CCDC73: variants seen among roughly 807,000 people sequenced by gnomAD.
CCDC73 encodes coiled-coil domain containing 73, also known as coiled-coil domain-containing protein 73.
Under a neutral mutation model 116.5 loss-of-function variants are expected in CCDC73, and 95 were observed. The observed-to-expected ratio is 0.82, with a 90% CI of 0.69 to 0.97. The LOEUF (loss-of-function observed/expected upper bound fraction) is 0.97. Ranked by LOEUF, CCDC73 falls within the 50% of genes least tolerant of loss-of-function variation. CCDC73 has a pLI of 0.00. For missense variants in CCDC73, 1,066 were observed against 1,206.8 expected (o/e 0.88, Z 1.73); for synonymous variants, 398 against 401.3 (o/e 0.99, Z 0.10).
At position 32,741,043 on chromosome 11, in the gene CCDC73, AT is replaced by A. The variant is rs1850179041; in HGVS notation, c.135+19065del. 3.3e-5 allele frequency among the ~76,000 whole-genome samples: 5 copies of A among 152,272 alleles called. No individual in the cohort carries two copies. In the South Asian group the frequency reaches 1.0e-3, roughly 32 times the overall value. Reference sequence around the variant, plus strand: ...ATTGTTGTCAAAGAAAATACTTGATATTATTTCAATTTTTTAAATGTTTTAA... The same window carrying A: ...ATTGTTGTCAAAGAAAATACTTGATATATTTCAATTTTTTAAATGTTTTAA... On this transcript the variant is annotated intron_variant, in intron 2 of 17. Transcript: ENST00000335185.
intron 2 of CCDC73, among the ~76,000 whole-genome samples, chr11:32,724,559 T>G (rs1850015188): frequency 7.4e-6 from 1 of 135,982 alleles, no homozygotes; most frequent in Non-Finnish European, 1.6e-5. Flanking sequence ...TATTTTGTTT[T>G]AAAACTTTCA....
chr11:32,788,722 T>C (rs1590648695), intron 1 of CCDC73, among the ~76,000 whole-genome samples: 1 of 152,244 alleles, frequency 6.6e-6, no homozygotes, highest in East Asian at 1.9e-4. Context: ...CACCTCAGCC[T>C]CCCAAAGTGC....
intron 3 of CCDC73, among the ~76,000 whole-genome samples, chr11:32,714,364 A>G (rs1849926217): frequency 6.6e-6 from 1 of 152,062 alleles, no homozygotes; most frequent in African/African-American, 2.4e-5. Context: ...ACATTTCTTT[A>G]CTTCAGACAA....
intron 2 of CCDC73, among the ~76,000 whole-genome samples, chr11:32,723,226 A>C (rs1469380629): frequency 6.6e-6 from 1 of 152,188 alleles, no homozygotes; most frequent in Non-Finnish European, 1.5e-5. Flanking sequence ...AAAACAAAAG[A>C]ATGTAAGAAT....
intron 9 of CCDC73, among the ~76,000 whole-genome samples, chr11:32,671,071 T>A (rs1306289115): frequency 6.6e-6 from 1 of 152,202 alleles, no homozygotes; most frequent in Non-Finnish European, 1.5e-5. Flanking sequence ...ACTGTCTGTT[T>A]TCTAACCATT....
At chr11:32,680,327 ATAGT>A (rs1856131780) in intron 7 of CCDC73, 1 of 152,206 alleles carries the variant, frequency 6.6e-6, no homozygotes, top group Non-Finnish European at 1.5e-5. Context: ...TGATTAAGAA[ATAGT>A]TAAGTACATA....
intron 1 of CCDC73, among the ~76,000 whole-genome samples, chr11:32,791,189 T>A (rs998724025): frequency 9.2e-5 from 14 of 152,224 alleles, no homozygotes; most frequent in African/African-American, 3.4e-4. Context: ...CCTGATGTGT[T>A]TCTCTGTCAT....
At chr11:32,783,044 A>C (rs1850596911) in intron 1 of CCDC73, among the ~76,000 whole-genome samples, 1 of 152,146 alleles carries the variant, frequency 6.6e-6, no homozygotes, top group Admixed American at 6.5e-5. Flanking sequence ...ATTTTCCCAG[A>C]ATTAAAAAAT....
In CCDC73 at chr11:32,735,306, A is replaced by G. The variant is rs573984273; in HGVS notation, c.136-17159T>C. On this transcript the variant is annotated intron_variant, in intron 2 of 17. Transcript: ENST00000335185. ...AGCCCAAAATCTCCTTAAGCTGATAAGCAACTTCAGCAAAGTCTCAGGATA... is the reference window on the plus strand; with the variant it reads ...AGCCCAAAATCTCCTTAAGCTGATAGGCAACTTCAGCAAAGTCTCAGGATA... Among the ~76,000 whole-genome samples the G allele has an allele frequency of 1.1e-3, 170 of 152,354 alleles. 1 individual carries two copies. Among genetic ancestry groups the G allele is most frequent in the South Asian group, 7.7e-3 (37 of 4,828 alleles).
At chr11:32,685,759 G>A (rs2133298121) in intron 6 of CCDC73, among the ~76,000 whole-genome samples, 1 of 120,360 alleles carries the variant, frequency 8.3e-6, no homozygotes, top group South Asian at 2.6e-4. Flanking sequence ...GTCTTGCTCT[G>A]TCACCAGGTT....
intron 9 of CCDC73, among the ~76,000 whole-genome samples, chr11:32,657,536 C>A (rs1431295438): frequency 6.6e-6 from 1 of 152,158 alleles, no homozygotes; most frequent in Non-Finnish European, 1.5e-5. Flanking sequence ...ACTTCCCACC[C>A]TTTCTCCACA....
intron 3 of CCDC73, among the ~76,000 whole-genome samples, chr11:32,707,953 T>C (rs1253865522): frequency 1.3e-5 from 2 of 152,190 alleles, no homozygotes. Context: ...CTTTGGGTTC[T>C]TGTCATGAAG....
chr11:32,779,301 G>A (rs1464359197), intron 1 of CCDC73, among the ~76,000 whole-genome samples: 2 of 147,504 alleles, frequency 1.4e-5, no homozygotes, highest in East Asian at 2.0e-4. Context: ...CACTTTTCTA[G>A]CCATTTCTGC....
intron 14 of CCDC73, among the ~76,000 whole-genome samples, chr11:32,630,054 G>T (rs566695227): frequency 2.4e-4 from 36 of 151,626 alleles, no homozygotes; most frequent in African/African-American, 8.5e-4. Flanking sequence ...GAATAGAAAA[G>T]ATACTTTATC....
intron 1 of CCDC73, 89 bp from the exon 2 acceptor site, chr11:32,760,347 T>C: frequency 1.4e-6 from 1 of 725,022 alleles, no homozygotes; most frequent in Non-Finnish European, 2.2e-6. Context: ...ACAACCTGTA[T>C]CCCATAATCC....
At chr11:32,712,580 T>TA (rs11426809) in intron 3 of CCDC73, among the ~76,000 whole-genome samples, 151,922 of 151,964 alleles carry the variant, frequency 1, 75,940 homozygotes, top group Middle Eastern at 1. Flanking sequence ...AAATAAAAAA[T>TA]AAGAGGCATG....
intron 7 of CCDC73, among the ~76,000 whole-genome samples, chr11:32,678,465 T>C (rs182192326): frequency 1.5e-4 from 23 of 152,258 alleles, no homozygotes; most frequent in Admixed American, 1.2e-3. Context: ...ATAAAATGAA[T>C]TAATATAAAT....
intron 14 of CCDC73, among the ~76,000 whole-genome samples, chr11:32,625,323 T>C (rs1019547707): frequency 2.0e-5 from 3 of 152,254 alleles, no homozygotes; most frequent in African/African-American, 7.2e-5. Context: ...CCTGTCATTA[T>C]GATGTTAGCT....
At chr11:32,757,329 A>G (rs999945471) in intron 2 of CCDC73, among the ~76,000 whole-genome samples, 2 of 152,158 alleles carry the variant, frequency 1.3e-5, no homozygotes, top group East Asian at 3.8e-4. Context: ...TTTATATTGA[A>G]AGAAAAAATA....
Sources: allele counts gnomAD v4.1 joint callset (sites outside exome capture counted in the v4.1 genomes callset), GRCh38; gene constraint gnomAD v4.1.1; transcripts MANE v1.5; gene names NCBI Gene and HGNC (gene_info 2026-07-23, HGNC 2026-07-21).